FBXL17: variants seen among roughly 807,000 people sequenced by gnomAD.
The protein encoded by FBXL17 is F-box and leucine rich repeat protein 17.
A neutral mutation model predicts 66.2 loss-of-function variants in FBXL17; 22 were observed. That is an observed-to-expected ratio of 0.33 (90% confidence interval 0.24 to 0.47). The LOEUF (loss-of-function observed/expected upper bound fraction) is 0.47. FBXL17 is among the 20% of genes least tolerant of loss of function. FBXL17 has a pLI of 1.00. For missense variants in FBXL17, 878 were observed against 948.2 expected, an observed-to-expected ratio of 0.93 and a Z score of 0.97; for synonymous variants, 474 against 400.5, an observed-to-expected ratio of 1.18 and a Z score of -2.19.
At chr5:107,867,601 C>G (rs544215072) in intron 8 of FBXL17, among the ~76,000 whole-genome samples, 1 of 152,344 alleles carries the variant, frequency 6.6e-6, no homozygotes, top group Admixed American at 6.5e-5. Context: ...CATTTAAGCT[C>G]CCTTTTAATG....
At position 108,239,909 on chromosome 5, in the gene FBXL17, G is replaced by A. The variant is rs771297973; in HGVS notation, c.1507-15681C>T. The stretch of plus-strand genomic sequence containing the variant: ...AGCAGCAGGCAGAGTCCTGAGGCCC[G>A]TATTCCAGGACCTAGATCCTGGATG... On this transcript the variant is annotated intron_variant, in intron 4 of 8. Coordinates refer to ENST00000542267, the MANE Select transcript of FBXL17 (RefSeq NM_001163315.3). Among the ~76,000 whole-genome samples, 112 of 152,086 alleles carry A rather than the reference G, an allele frequency of 7.4e-4. 1 individual carries two copies. Among genetic ancestry groups the A allele is most frequent in the South Asian group, 1.5e-3 (7 of 4,812 alleles).
At chr5:108,176,199 G>A (rs995846593) in intron 6 of FBXL17, among the ~76,000 whole-genome samples, 3 of 152,010 alleles carry the variant, frequency 2.0e-5, no homozygotes, top group Non-Finnish European at 2.9e-5. Flanking sequence ...GGCTTATAAC[G>A]CCATATTCAT....
intron 5 of FBXL17, among the ~76,000 whole-genome samples, chr5:108,201,736 A>C (rs1230010175): frequency 6.6e-6 from 1 of 151,744 alleles, no homozygotes; most frequent in Non-Finnish European, 1.5e-5. Context: ...TAGAAATGGG[A>C]CCCCTTCCAT....
intron 5 of FBXL17, among the ~76,000 whole-genome samples, chr5:108,221,624 T>A (rs991288863): frequency 2.6e-5 from 4 of 152,170 alleles, no homozygotes; most frequent in Non-Finnish European, 5.9e-5. Context: ...CTCTTAACAC[T>A]CTATATCTCA....
intron 6 of FBXL17, among the ~76,000 whole-genome samples, chr5:108,084,111 C>A (rs866090437): frequency 6.6e-6 from 1 of 152,146 alleles, no homozygotes; most frequent in South Asian, 2.1e-4. Context: ...CTAACACTGA[C>A]CTTCCTCTTG....
chr5:108,321,663 T>C (rs1191806598), intron 4 of FBXL17, among the ~76,000 whole-genome samples: 1 of 149,512 alleles, frequency 6.7e-6, no homozygotes, highest in Non-Finnish European at 1.5e-5. Context: ...TAACTATAAC[T>C]CAAAACTCAG....
intron 7 of FBXL17, among the ~76,000 whole-genome samples, chr5:107,897,249 A>C (rs534780261): frequency 6.6e-6 from 1 of 152,224 alleles, no homozygotes; most frequent in South Asian, 2.1e-4. Flanking sequence ...TGCCACAAAA[A>C]ATTTTATTAG....
At chr5:107,925,750 C>T (rs1230991529) in intron 7 of FBXL17, among the ~76,000 whole-genome samples, 2 of 152,154 alleles carry the variant, frequency 1.3e-5, no homozygotes, top group Non-Finnish European at 2.9e-5. Flanking sequence ...TCTGACTCTT[C>T]CTTCATCCCC....
chr5:108,041,095 T>C (rs921943109), intron 6 of FBXL17, among the ~76,000 whole-genome samples: 6 of 152,214 alleles, frequency 3.9e-5, no homozygotes, highest in Non-Finnish European at 7.4e-5. Flanking sequence ...TATTAAATGA[T>C]GTAATATATG....
At chr5:108,057,897 T>C (rs539351754) in intron 6 of FBXL17, among the ~76,000 whole-genome samples, 3 of 152,348 alleles carry the variant, frequency 2.0e-5, no homozygotes, top group East Asian at 3.9e-4. Context: ...ATTACACATC[T>C]GTTATTTCAG....
intron 6 of FBXL17, among the ~76,000 whole-genome samples, chr5:108,029,316 A>C (rs2112781326): frequency 6.6e-6 from 1 of 152,256 alleles, no homozygotes; most frequent in African/African-American, 2.4e-5. Flanking sequence ...ATATTCATTC[A>C]GAAATAAGAA....
intron 5 of FBXL17, among the ~76,000 whole-genome samples, chr5:108,217,255 G>A (rs796470326): frequency 9.2e-5 from 14 of 151,948 alleles, no homozygotes; most frequent in Non-Finnish European, 2.9e-5. Flanking sequence ...TTAAACTTTC[G>A]CTCTAACCTC....
At chr5:108,270,633 ATT>A (rs1580721873) in intron 4 of FBXL17, among the ~76,000 whole-genome samples, 2 of 151,462 alleles carry the variant, frequency 1.3e-5, no homozygotes, top group Non-Finnish European at 2.9e-5. Context: ...GACATTTAAG[ATT>A]TTCTTTCTCA....
intron 6 of FBXL17, among the ~76,000 whole-genome samples, chr5:108,119,258 T>A (rs1750381793): frequency 6.6e-6 from 1 of 152,196 alleles, no homozygotes; most frequent in Admixed American, 6.5e-5. Context: ...GCATGGATAA[T>A]CATGTCCTGA....
At chr5:108,177,055 G>A (rs938486601) in intron 6 of FBXL17, among the ~76,000 whole-genome samples, 1 of 152,148 alleles carries the variant, frequency 6.6e-6, no homozygotes, top group Non-Finnish European at 1.5e-5. Flanking sequence ...ATTAGAACCA[G>A]TAGTCTCCTT....
In FBXL17 at chr5:107,859,986, C is replaced by T. The variant is rs1006782163; in HGVS notation, c.*1734G>A. ...CTTTTTTCTTACACAAATTTTATTC[C>T]CTTCAAATTAAATTAGAAACCCATT... On this transcript the variant is annotated 3_prime_UTR_variant, in exon 9 of 9. Transcript: ENST00000542267. The T allele has an allele frequency of 1.1e-4, 17 of 152,100 alleles. No homozygotes were observed. Among genetic ancestry groups the T allele is most frequent in the African/African-American group, 4.1e-4 (17 of 41,416 alleles). 9.4% of individuals were successfully genotyped at this position (152,100 alleles called of 1,614,324 possible). A position where few individuals can be genotyped will look rare whatever the true frequency, so the allele number is the denominator to read the frequency against.
At chr5:108,308,194 T>C (rs1758943816) in intron 4 of FBXL17, among the ~76,000 whole-genome samples, 1 of 152,094 alleles carries the variant, frequency 6.6e-6, no homozygotes, top group Non-Finnish European at 1.5e-5. Context: ...TGAGAAAGAA[T>C]ATTATTGTAT....
At chr5:108,347,932 T>TG (rs754431404) in intron 4 of FBXL17, among the ~76,000 whole-genome samples, 7 of 152,178 alleles carry the variant, frequency 4.6e-5, no homozygotes, top group Non-Finnish European at 1.0e-4. Context: ...TCTATGTAAT[T>TG]GCCCTATTAT....
chr5:107,943,394 C>G (rs1751177580), intron 7 of FBXL17, among the ~76,000 whole-genome samples: 1 of 152,142 alleles, frequency 6.6e-6, no homozygotes, highest in Non-Finnish European at 1.5e-5. Flanking sequence ...GAAGCCATGA[C>G]CATCCACCTT....
Sources: gnomAD v4.1 joint callset for allele counts (sites outside exome capture counted in the v4.1 genomes callset) on GRCh38, gnomAD v4.1.1 for gene constraint, MANE v1.5 for transcripts, NCBI Gene and HGNC (gene_info 2026-07-23, HGNC 2026-07-21) for gene names.